OR4C11: variants seen among roughly 807,000 people sequenced by gnomAD.
The protein encoded by OR4C11 is olfactory receptor 4C11.
In OR4C11, 15 loss-of-function variants were observed where a neutral mutation model predicts 14.7. The ratio of observed to expected loss-of-function variants is 1.02; its 90% confidence interval spans 0.68 to 1.58. OR4C11 has a LOEUF of 1.58. Ranked by LOEUF, OR4C11 falls within the 40% of genes most tolerant of loss-of-function variation. The probability of loss-of-function intolerance (pLI) is 0.00; values close to 1 mark genes in which losing one functional copy is unlikely to be tolerated. For missense variants in OR4C11, 473 were observed against 383.0 expected (o/e 1.24, Z -1.96); for synonymous variants, 146 against 135.0 (o/e 1.08, Z -0.57).
chr11:55,604,158 T>C lies in OR4C11; in HGVS notation c.216A>G (p.Ser72=), dbSNP rs1211497116. 6.8e-7 allele frequency: 1 copy of C among 1,470,860 alleles called. No individual in the cohort carries two copies. The highest frequency in any genetic ancestry group is 2.6e-5 in the East Asian group (1 of 38,704). The allele number at this position is 1,470,860 out of a possible 1,614,324, so 91.1% of individuals were successfully genotyped here. ...CAATTAATCTAGGGGCTGTGGAAGT[T>C]GAAAAGCAAGAATCTGCAAAGGACA... ...FYLSFADSCF[S]TSTAPRLIVD... is the part of the protein sequence containing the mutation. The change falls in exon 4 of 4, where the codon TCA becomes TCG. Residue 72 remains serine (S), a synonymous_variant. Transcript: ENST00000641580.
Position 55,604,143 on chromosome 11 carries a change from A to G in OR4C11, c.231T>C (p.Pro77=), listed in dbSNP as rs764975379. The G allele has an allele frequency of 2.0e-6, 3 of 1,467,032 alleles. 1 individual carries two copies. In the Admixed American group the frequency reaches 6.2e-5, roughly 30 times the overall value. 90.9% of individuals were successfully genotyped at this position (1,467,032 alleles called of 1,614,324 possible). The stretch of plus-strand genomic sequence containing the variant: ...CAGAGAGAGCATCCACAATTAATCT[A>G]GGGGCTGTGGAAGTTGAAAAGCAAG... The part of the protein sequence containing the change: ...ADSCFSTSTA[P]RLIVDALSEK... Residue 77 remains proline (P), a synonymous_variant, in exon 4 of 4, where the codon CCT becomes CCC. Transcript: ENST00000641580.
In OR4C11 at chr11:55,602,729, C is replaced by G. The variant is rs1361052586; in HGVS notation, c.*712G>C. ...ATGTTCTACCCTTCTGCACTTCAGG[C>G]TCAGGAAATATGTTGTATCTCCAGT... On this transcript the variant is annotated 3_prime_UTR_variant, in exon 4 of 4. Transcript: ENST00000641580. The G allele has an allele frequency of 2.2e-5, 3 of 138,670 alleles. 1 individual carries two copies. The highest frequency in any genetic ancestry group is 7.5e-5 in the African/African-American group (3 of 40,088). 8.6% of individuals were successfully genotyped at this position (138,670 alleles called of 1,614,324 possible).
At position 55,603,944 on chromosome 11, in the gene OR4C11, C is replaced by A. The variant is rs141497167; in HGVS notation, c.430G>T (p.Val144Phe). ...MSQQVCIILI[V>F]LAWIGSLIHS... Reference sequence around the variant, plus strand: ...ATTAAAGACCCTATCCAGGCAAGAACAATCAGGATGATGCAGACCTGCTGG... The same window carrying A: ...ATTAAAGACCCTATCCAGGCAAGAAAAATCAGGATGATGCAGACCTGCTGG... Residue 144 changes from valine to phenylalanine, a missense_variant, in exon 4 of 4, where the codon GTT becomes TTT. Physicochemically the swap from Val to Phe is conservative, Grantham distance 50. Coordinates refer to ENST00000641580, the MANE Select transcript of OR4C11 (RefSeq NM_001004700.3). The A allele has an allele frequency of 1.1e-5, 17 of 1,489,028 alleles. 1 individual carries two copies. The highest frequency in any genetic ancestry group is 2.8e-5 in the African/African-American group (2 of 72,588). The allele number at this position is 1,489,028 out of a possible 1,614,324, so 92.2% of individuals were successfully genotyped here.
In OR4C11 at chr11:55,604,301, C is replaced by T. The variant is rs1339293456; in HGVS notation, c.73G>A (p.Val25Met). ...LTQDPLRQKI[V>M]FVIFLIFYMG... ...TAGAAAATTAAGAAGATTACAAACA[C>T]TATTTTCTGCCTCAAGGGATCCTGT... The change falls in exon 4 of 4, where the codon GTG becomes ATG. Residue 25 changes from valine (V) to methionine (M), a missense_variant. By Grantham distance (21) the Val-to-Met change is conservative. Coordinates refer to ENST00000641580, the MANE Select transcript of OR4C11 (RefSeq NM_001004700.3). The T allele has an allele frequency of 1.4e-6, 2 of 1,421,008 alleles. No individual in the cohort carries two copies. Among genetic ancestry groups the T allele is most frequent in the East Asian group, 2.6e-5 (1 of 38,512 alleles). 88.0% of individuals were successfully genotyped at this position (1,421,008 alleles called of 1,614,324 possible).
Position 55,607,137 on chromosome 11 carries a change from C to G in OR4C11, c.-365+150G>C, listed in dbSNP as rs577275535. 1.4e-5 allele frequency: 2 copies of G among 138,144 alleles called. 1 individual carries two copies. The highest frequency in any genetic ancestry group is 4.7e-4 in the East Asian group (2 of 4,222). 8.6% of individuals were successfully genotyped at this position (138,144 alleles called of 1,614,324 possible). ...ACATCATCACCTTCATGGAGCACTT[C>G]CTGGAACACCCCAATAGATTTTATT... On this transcript the variant is annotated intron_variant, in intron 1 of 3. Transcript: ENST00000641580.
intron 2 of OR4C11, 111 bp from the exon 3 acceptor site, chr11:55,605,398 T>A (rs1385527809): frequency 7.3e-6 from 1 of 136,732 alleles, no homozygotes; most frequent in African/African-American, 2.6e-5. Context: ...ATCTATGCGC[T>A]CCAAGTCAGG....
At position 55,603,767 on chromosome 11, in the gene OR4C11, C is replaced by T; in HGVS notation, c.607G>A (p.Ala203Thr). The T allele has an allele frequency of 1.3e-6, 2 of 1,488,704 alleles. 1 individual carries two copies. 92.2% of individuals were successfully genotyped at this position (1,488,704 alleles called of 1,614,324 possible). A position where few individuals can be genotyped will look rare whatever the true frequency, so the allele number is the denominator to read the frequency against. Residue 203 changes from alanine (A) to threonine (T), a missense_variant, in exon 4 of 4, where the codon GCA becomes ACA. By Grantham distance (58) the Ala-to-Thr change is moderately conservative. Coordinates refer to ENST00000641580, the MANE Select transcript of OR4C11 (RefSeq NM_001004700.3). ...INLLLVSNSGAICSSSFMILI... is the reference protein window; with the variant it reads ...INLLLVSNSGTICSSSFMILI... ...ATCATGAAACTACTTGAGCAAATTG[C>T]CCCACTGTTAGACACCAACAGCAGG...
rs749406481 is a variant in OR4C11 at position 55,604,108 on chromosome 11, A to G, written c.266T>C (p.Ile89Thr). 2 of 1,483,876 alleles carry G rather than the reference A, an allele frequency of 1.3e-6. 1 individual carries two copies. Among genetic ancestry groups the G allele is most frequent in the East Asian group, 5.2e-5 (2 of 38,732 alleles). 91.9% of individuals were successfully genotyped at this position (1,483,876 alleles called of 1,614,324 possible). The change falls in exon 4 of 4, where the codon ATT (isoleucine) becomes ACT (threonine). Residue 89 changes from isoleucine to threonine, a missense_variant. Coordinates refer to ENST00000641580, the MANE Select transcript of OR4C11 (RefSeq NM_001004700.3). The stretch of plus-strand genomic sequence containing the variant: ...TGTCATGCACTCATTGTAGGTTATA[A>G]TTTTCTTTTCAGAGAGAGCATCCAC... ...LIVDALSEKKIITYNECMTQV... is the reference protein window; with the variant it reads ...LIVDALSEKKTITYNECMTQV...
rs758655334 is a variant in OR4C11 at position 55,604,344 on chromosome 11, G to T, written c.30C>A (p.Phe10Leu). The stretch of plus-strand genomic sequence containing the variant: ...GATCCTGTGTTAATCCTAACAGTAT[G>T]AATTCAGGCACACTGTTATTTTGCT... MQQNNSVPE[F>L]ILLGLTQDPL... The change falls in exon 4 of 4, where the codon TTC becomes TTA. Residue 10 changes from phenylalanine to leucine, a missense_variant. Coordinates refer to ENST00000641580, the MANE Select transcript of OR4C11 (RefSeq NM_001004700.3). The T allele has an allele frequency of 4.4e-6, 6 of 1,376,288 alleles. 2 individuals are homozygous for T. In the African/African-American group the frequency reaches 5.7e-5, roughly 13 times the overall value. 85.3% of individuals were successfully genotyped at this position (1,376,288 alleles called of 1,614,324 possible). A position where few individuals can be genotyped will look rare whatever the true frequency, so the allele number is the denominator to read the frequency against.
At position 55,603,857 on chromosome 11, in the gene OR4C11, C is replaced by A. The variant is rs1857920416; in HGVS notation, c.517G>T (p.Asp173Tyr). Residue 173 changes from aspartate to tyrosine, a missense_variant, in exon 4 of 4, where the codon GAT (aspartate) becomes TAT (tyrosine). Asp to Tyr is a radical substitution (Grantham distance 160). Transcript: ENST00000641580. ...RLPFCGPYLI[D>Y]HYCCDLQPLL... ...GGCTGCAAATCACAGCAATAATGATCAATCAAATAGGGTCCACAGAAAGGC... is the reference window on the plus strand; with the variant it reads ...GGCTGCAAATCACAGCAATAATGATAAATCAAATAGGGTCCACAGAAAGGC... The A allele has an allele frequency of 2.0e-6, 3 of 1,492,120 alleles. No homozygotes were observed. Among genetic ancestry groups the A allele is most frequent in the East Asian group, 5.2e-5 (2 of 38,700 alleles). The allele number at this position is 1,492,120 out of a possible 1,614,324, so 92.4% of individuals were successfully genotyped here. A position where few individuals can be genotyped will look rare whatever the true frequency, so the allele number is the denominator to read the frequency against.
chr11:55,602,517 C>T lies in OR4C11; in HGVS notation c.*924G>A, dbSNP rs1452833598. On this transcript the variant is annotated 3_prime_UTR_variant, in exon 4 of 4. Coordinates refer to ENST00000641580, the MANE Select transcript of OR4C11 (RefSeq NM_001004700.3). ...AATTCTAACTTGTGATTCTATGCAG[C>T]CCCAATTATTAGGACAGAATAAATA... The T allele has an allele frequency of 7.2e-6, 1 of 137,938 alleles. No homozygotes were observed. Among genetic ancestry groups the T allele is most frequent in the African/African-American group, 2.5e-5 (1 of 39,796 alleles). 8.5% of individuals were successfully genotyped at this position (137,938 alleles called of 1,614,324 possible). A position where few individuals can be genotyped will look rare whatever the true frequency, so the allele number is the denominator to read the frequency against.
Position 55,603,369 on chromosome 11 carries a change from C to T in OR4C11, c.*72G>A, listed in dbSNP as rs193177167. On this transcript the variant is annotated 3_prime_UTR_variant, in exon 4 of 4. Coordinates refer to ENST00000641580, the MANE Select transcript of OR4C11 (RefSeq NM_001004700.3). ...TATTCCCACAGCATTCAGGTACTTT[C>T]CTATTTGCTGTCTATACTTACTCTG... 15 of 746,734 alleles carry T rather than the reference C, an allele frequency of 2.0e-5. No individual in the cohort carries two copies. Among genetic ancestry groups the T allele is most frequent in the East Asian group, 3.1e-5 (1 of 32,506 alleles). The allele number at this position is 746,734 out of a possible 1,614,324, so 46.3% of individuals were successfully genotyped here. A position where few individuals can be genotyped will look rare whatever the true frequency, so the allele number is the denominator to read the frequency against.
At chr11:55,607,181 A>G (rs1245482369) in intron 1 of OR4C11, 106 bp downstream of exon 1, 1 of 137,948 alleles carries the variant, frequency 7.2e-6, no homozygotes, top group African/African-American at 2.5e-5. Context: ...TTTATTATTT[A>G]TTTTATTACT....
rs1490238874 is a variant in OR4C11 at position 55,603,423 on chromosome 11, T to A, written c.*18A>T. 3.3e-6 allele frequency: 4 copies of A among 1,198,678 alleles called. 1 individual carries two copies. The highest frequency in any genetic ancestry group is 4.6e-6 in the Non-Finnish European group (4 of 866,588). 74.3% of individuals were successfully genotyped at this position (1,198,678 alleles called of 1,614,324 possible). A position where few individuals can be genotyped will look rare whatever the true frequency, so the allele number is the denominator to read the frequency against. On this transcript the variant is annotated 3_prime_UTR_variant, in exon 4 of 4. Transcript: ENST00000641580. ...AATCATGATTTGACTGAAAAAGTAA[T>A]CAGGTCAGGCCCTCAATTTATCCTT...
At position 55,606,097 on chromosome 11, in the gene OR4C11, C is replaced by G. The variant is rs1223157881; in HGVS notation, c.-207+425G>C. ...TTAGATGGTAGCAAGAGATAGGAAA[C>G]AACTTTAGTGCCCATCAGAAGGGAC... On this transcript the variant is annotated intron_variant, in intron 2 of 3. Coordinates refer to ENST00000641580, the MANE Select transcript of OR4C11 (RefSeq NM_001004700.3). Among the ~76,000 whole-genome samples, 4 of 137,770 alleles carry G rather than the reference C, an allele frequency of 2.9e-5. 1 individual carries two copies. Among genetic ancestry groups the G allele is most frequent in the African/African-American group, 1.0e-4 (4 of 39,766 alleles). 90.4% of individuals were successfully genotyped at this position (137,770 alleles called of 152,430 possible). A position where few individuals can be genotyped will look rare whatever the true frequency, so the allele number is the denominator to read the frequency against.
chr11:55,604,310 G>A lies in OR4C11; in HGVS notation c.64C>T (p.Gln22Ter). 1 of 1,421,028 alleles carries A rather than the reference G, an allele frequency of 7.0e-7. No individual in the cohort carries two copies. Among genetic ancestry groups the A allele is most frequent in the Non-Finnish European group, 9.6e-7 (1 of 1,040,046 alleles). 88.0% of individuals were successfully genotyped at this position (1,421,028 alleles called of 1,614,324 possible). A position where few individuals can be genotyped will look rare whatever the true frequency, so the allele number is the denominator to read the frequency against. ...LLGLTQDPLRQKIVFVIFLIF... is the reference protein window; with the variant it reads ...LLGLTQDPLR ...AAGAAGATTACAAACACTATTTTCT[G>A]CCTCAAGGGATCCTGTGTTAATCCT... The change falls in exon 4 of 4, where the codon CAG becomes TAG. Residue 22 changes from glutamine to a stop codon, truncating the protein, a stop_gained. Coordinates refer to ENST00000641580, the MANE Select transcript of OR4C11 (RefSeq NM_001004700.3). LOFTEE classifies it high-confidence loss of function.
rs377429842 is a variant in OR4C11, at chr11:55,604,129, T to C, written c.245A>G (p.Asp82Gly). 14 of 1,472,924 alleles carry C rather than the reference T, an allele frequency of 9.5e-6. 3 individuals are homozygous for C. The African/African-American group carries it at 1.5e-4, about 16-fold the overall frequency. 91.2% of individuals were successfully genotyped at this position (1,472,924 alleles called of 1,614,324 possible). Residue 82 changes from aspartate to glycine, a missense_variant, in exon 4 of 4, where the codon GAT becomes GGT. By Grantham distance (94) the Asp-to-Gly change is moderately conservative (BLOSUM62 -1). Coordinates refer to ENST00000641580, the MANE Select transcript of OR4C11 (RefSeq NM_001004700.3). ...STSTAPRLIVDALSEKKIITY... is the reference protein window; with the variant it reads ...STSTAPRLIVGALSEKKIITY... ...TATAATTTTCTTTTCAGAGAGAGCA[T>C]CCACAATTAATCTAGGGGCTGTGGA... is the stretch of plus-strand genomic sequence containing the variant.
intron 1 of OR4C11, 142 bp from the exon 2 acceptor site, chr11:55,606,821 A>C (rs944986004): frequency 2.2e-5 from 3 of 138,802 alleles, no homozygotes; most frequent in African/African-American, 7.5e-5. Flanking sequence ...AAAGACACAC[A>C]CACATGCATG....
Position 55,604,031 on chromosome 11 carries a change from G to T in OR4C11, c.343C>A (p.Leu115Ile), listed in dbSNP as rs369944753. The T allele has an allele frequency of 5.4e-6, 8 of 1,486,898 alleles. No individual in the cohort carries two copies. The highest frequency in any genetic ancestry group is 7.3e-6 in the Non-Finnish European group (8 of 1,092,344). 92.1% of individuals were successfully genotyped at this position (1,486,898 alleles called of 1,614,324 possible). A position where few individuals can be genotyped will look rare whatever the true frequency, so the allele number is the denominator to read the frequency against. The change falls in exon 4 of 4, where the codon CTC becomes ATC. Residue 115 changes from leucine (L) to isoleucine (I), a missense_variant. Physicochemically the swap from Leu to Ile is conservative, Grantham distance 5 (BLOSUM62 2). Coordinates refer to ENST00000641580, the MANE Select transcript of OR4C11 (RefSeq NM_001004700.3). ...GCCACATAGCGATCAACAGCCATGA[G>T]AATGAGGACAAAGATCTCCATGCAG... ...FGCMEIFVLI[L>I]MAVDRYVAIC...
Sources: gnomAD v4.1 joint callset for allele counts (sites outside exome capture counted in the v4.1 genomes callset) on GRCh38, gnomAD v4.1.1 for gene constraint, MANE v1.5 for transcripts, NCBI Gene and HGNC (gene_info 2026-07-23, HGNC 2026-07-21) for gene names.